The following CTNND2 variants were observed in gnomAD, a reference collection of about 807,000 sequenced individuals.
CTNND2 encodes catenin delta-2.
In CTNND2, 22 loss-of-function variants were observed where a neutral mutation model predicts 144.4. That is an observed-to-expected ratio of 0.15 (90% CI 0.11 to 0.22). The LOEUF is 0.22. Ranked by LOEUF, CTNND2 falls within the 10% of genes least tolerant of loss-of-function variation. The probability of loss-of-function intolerance (pLI) is 1.00; values close to 1 mark genes in which losing one functional copy is unlikely to be tolerated. For synonymous variants in CTNND2, 751 were observed against 695.6 expected, an observed-to-expected ratio of 1.08 and a Z score of -1.25; for missense variants, 1,353 against 1,618.8, an observed-to-expected ratio of 0.84 and a Z score of 2.82.
chr5:11,346,531 C>T lies in CTNND2; in HGVS notation c.1469G>A (p.Ser490Asn), dbSNP rs767503979. ...ATTGGAGGCTGGGCCGGCGGCATAG[C>T]TGGCCCTCTGGAAGGTGGCCGCGGC... ...NAAAATFQRA[S>N]YAAGPASNYA... Residue 490 changes from serine (S) to asparagine (N), a missense_variant, in exon 9 of 22, where the codon AGC becomes AAC. This residue lies in a region of CTNND2 where 708 missense variants were observed against 706.4 expected (regional missense o/e 1.00). Coordinates refer to ENST00000304623, the MANE Select transcript of CTNND2 (RefSeq NM_001332.4). 2.5e-6 allele frequency: 4 copies of T among 1,604,878 alleles called. No homozygotes were observed. The highest frequency in any genetic ancestry group is 2.7e-5 in the African/African-American group (2 of 74,482).
At chr5:11,831,439 C>A (rs1401608035) in intron 1 of CTNND2, among the ~76,000 whole-genome samples, 1 of 151,856 alleles carries the variant, frequency 6.6e-6, no homozygotes, top group Non-Finnish European at 1.5e-5. Context: ...GAGGCTGAGC[C>A]GGGTAGATCA....
At chr5:11,406,233 G>A (rs754822449) in intron 5 of CTNND2, among the ~76,000 whole-genome samples, 11 of 152,166 alleles carry the variant, frequency 7.2e-5, no homozygotes, top group Admixed American at 2.0e-4. Context: ...TAGCTCAACT[G>A]ACTCAGACAC....
chr5:11,649,024 T>G (rs1782507936), intron 2 of CTNND2, among the ~76,000 whole-genome samples: 1 of 152,244 alleles, frequency 6.6e-6, no homozygotes, highest in African/African-American at 2.4e-5. Context: ...TACTTTTATA[T>G]TCTTATGTAA....
rs867065313 is a variant in CTNND2, at chr5:11,362,891, C to T, written c.1372+1805G>A. Among the ~76,000 whole-genome samples, 7 of 152,212 alleles carry T rather than the reference C, an allele frequency of 4.6e-5. No individual in the cohort carries two copies. In the South Asian group the frequency reaches 1.0e-3, roughly 22 times the overall value. On this transcript the variant is annotated intron_variant, in intron 8 of 21. Transcript: ENST00000304623. ...TTGGTTTTGCCAAGAGTCTCTGTCACGGGCACTCCACTCTGCCCCTGCAGG... is the reference window on the plus strand; with the variant it reads ...TTGGTTTTGCCAAGAGTCTCTGTCATGGGCACTCCACTCTGCCCCTGCAGG...
chr5:11,323,425 A>G (rs979023111), intron 9 of CTNND2, among the ~76,000 whole-genome samples: 22 of 152,184 alleles, frequency 1.4e-4, no homozygotes, highest in Non-Finnish European at 3.1e-4. Flanking sequence ...CACATGATCT[A>G]TGATGATGAA....
intron 1 of CTNND2, among the ~76,000 whole-genome samples, chr5:11,824,920 T>C (rs1024504564): frequency 1.3e-5 from 2 of 151,962 alleles, no homozygotes; most frequent in African/African-American, 4.8e-5. Flanking sequence ...ATAATCAGAG[T>C]GCATCACTGT....
At chr5:11,727,364 C>T (rs13168751) in intron 2 of CTNND2, among the ~76,000 whole-genome samples, 33,852 of 152,006 alleles carry the variant, frequency 0.22, 4,642 homozygotes, top group African/African-American at 0.39. Context: ...CTGATCCTTG[C>T]TCCCCCTTCC....
At chr5:11,420,768 T>C (rs1360528189) in intron 3 of CTNND2, among the ~76,000 whole-genome samples, 1 of 152,230 alleles carries the variant, frequency 6.6e-6, no homozygotes, top group African/African-American at 2.4e-5. Context: ...GCAATTAGAA[T>C]GCCGTTTTTC....
intron 11 of CTNND2, among the ~76,000 whole-genome samples, chr5:11,166,507 C>T (rs896313571): frequency 6.6e-6 from 1 of 150,998 alleles, no homozygotes; most frequent in Non-Finnish European, 1.5e-5. Flanking sequence ...CTTTGGCCTC[C>T]CAAAGTGCTG....
At chr5:11,295,363 T>C (rs1205452695) in intron 9 of CTNND2, among the ~76,000 whole-genome samples, 3 of 152,088 alleles carry the variant, frequency 2.0e-5, no homozygotes, top group Non-Finnish European at 4.4e-5. Context: ...ACATTCCGTG[T>C]TCATGGGTAG....
At chr5:10,997,192 G>A (rs1252354473) in intron 18 of CTNND2, among the ~76,000 whole-genome samples, 1 of 152,156 alleles carries the variant, frequency 6.6e-6, no homozygotes, top group Non-Finnish European at 1.5e-5. Context: ...ATCCTCCGGA[G>A]GGTGGAGGCA....
intron 9 of CTNND2, among the ~76,000 whole-genome samples, chr5:11,311,431 A>C: frequency 8.2e-6 from 1 of 122,430 alleles, no homozygotes; most frequent in Admixed American, 8.3e-5. Flanking sequence ...ATACCCACTC[A>C]CCCTCACCCC....
At chr5:11,895,282 G>C (rs1172365503) in intron 1 of CTNND2, among the ~76,000 whole-genome samples, 1 of 152,174 alleles carries the variant, frequency 6.6e-6, no homozygotes, top group Non-Finnish European at 1.5e-5. Context: ...CAGAATTACA[G>C]AAAAGCATCT....
intron 3 of CTNND2, among the ~76,000 whole-genome samples, chr5:11,456,278 AC>A (rs770039718): frequency 3.4e-4 from 51 of 148,356 alleles, no homozygotes; most frequent in Non-Finnish European, 6.1e-4. Flanking sequence ...TGTTGGTTTT[AC>A]CCACATATAA....
intron 18 of CTNND2, among the ~76,000 whole-genome samples, chr5:11,011,209 T>C (rs1741043382): frequency 6.6e-6 from 1 of 152,212 alleles, no homozygotes; most frequent in African/African-American, 2.4e-5. Context: ...ATGGATTTTA[T>C]TTATTTTTTA....
intron 3 of CTNND2, among the ~76,000 whole-genome samples, chr5:11,426,594 T>G (rs756573115): frequency 2.6e-5 from 4 of 152,188 alleles, no homozygotes; most frequent in African/African-American, 9.7e-5. Context: ...GATGGACTCA[T>G]GATGTGTTGT....
chr5:11,079,856 C>A lies in CTNND2; in HGVS notation c.2788+2840G>T, dbSNP rs142957315. ...ATGGACTCAAGACTTAAATGTAAGA[C>A]CTAAACTATAAAAATTCTAGGAGAA... is the stretch of plus-strand genomic sequence containing the variant. On this transcript the variant is annotated intron_variant, in intron 16 of 21. Transcript: ENST00000304623. 9.2e-5 allele frequency among the ~76,000 whole-genome samples: 14 copies of A among 152,200 alleles called. No individual in the cohort carries two copies. The East Asian group carries it at 1.9e-3, about 21-fold the overall frequency.
intron 2 of CTNND2, among the ~76,000 whole-genome samples, chr5:11,641,725 C>T (rs531034498): frequency 6.2e-5 from 4 of 64,560 alleles, no homozygotes; most frequent in Admixed American, 1.7e-4. Flanking sequence ...TATACATATA[C>T]GTGTGTGTAT....
chr5:10,986,765 C>T (rs943006219), intron 20 of CTNND2: 6 of 443,092 alleles, frequency 1.4e-5, no homozygotes, highest in African/African-American at 1.2e-4. Context: ...TAAGAAACAT[C>T]CGTTTATTAT....
Sources: allele counts gnomAD v4.1 joint callset (sites outside exome capture counted in the v4.1 genomes callset), GRCh38; gene constraint gnomAD v4.1.1; regional missense constraint gnomAD v4.1.1; transcripts MANE v1.5; gene names NCBI Gene and HGNC (gene_info 2026-07-23, HGNC 2026-07-21).